GPC5: variants seen among roughly 807,000 people sequenced by gnomAD.
GPC5 encodes glypican 5.
A neutral mutation model predicts 53.9 loss-of-function variants in GPC5; 47 were observed. The ratio of observed to expected loss-of-function variants is 0.87; its 90% CI spans 0.69 to 1.11. GPC5 has a LOEUF of 1.11. Among genes scored for constraint, GPC5 ranks in the 50% most tolerant of loss-of-function variants. The pLI is 0.00. For synonymous variants in GPC5, 286 were observed against 263.3 expected (o/e 1.09, Z -0.84); for missense variants, 748 against 713.1 (o/e 1.05, Z -0.56).
intron 7 of GPC5, among the ~76,000 whole-genome samples, chr13:92,358,424 G>A (rs556423155): frequency 5.1e-4 from 78 of 151,802 alleles, no homozygotes; most frequent in Non-Finnish European, 1.0e-3. Context: ...CTATTCTTGG[G>A]TTTGGAGGAC....
intron 5 of GPC5, among the ~76,000 whole-genome samples, chr13:91,832,208 G>A (rs966808328): frequency 4.0e-5 from 6 of 151,376 alleles, no homozygotes; most frequent in African/African-American, 1.5e-4. Context: ...CTTTACCAAT[G>A]CAACTTCAAT....
intron 7 of GPC5, among the ~76,000 whole-genome samples, chr13:92,531,194 T>C (rs964442740): frequency 2.0e-5 from 3 of 152,148 alleles, no homozygotes; most frequent in African/African-American, 4.8e-5. Context: ...TAAGTTAATG[T>C]GAGCCATCCA....
intron 7 of GPC5, among the ~76,000 whole-genome samples, chr13:92,663,757 T>C (rs2139190985): frequency 7.1e-6 from 1 of 141,070 alleles, no homozygotes; most frequent in South Asian, 2.2e-4. Context: ...CTCTACTAAA[T>C]ATATATATAC....
chr13:91,904,593 A>G (rs2138991879), intron 5 of GPC5, among the ~76,000 whole-genome samples: 1 of 152,020 alleles, frequency 6.6e-6, no homozygotes, highest in Non-Finnish European at 1.5e-5. Flanking sequence ...CAGATCCCAG[A>G]TTCTCCAGCT....
chr13:92,396,178 C>T (rs562623508), intron 7 of GPC5, among the ~76,000 whole-genome samples: 1,727 of 152,168 alleles, frequency 0.011, 33 homozygotes, highest in African/African-American at 0.039. Flanking sequence ...ATTAACTTAT[C>T]TGTTTGCATT....
chr13:91,737,395 T>C (rs1250570576), intron 4 of GPC5, among the ~76,000 whole-genome samples: 1 of 151,366 alleles, frequency 6.6e-6, no homozygotes, highest in Non-Finnish European at 1.5e-5. Flanking sequence ...CCCAAGAGAA[T>C]ACCTCTAGCA....
intron 7 of GPC5, among the ~76,000 whole-genome samples, chr13:92,329,182 A>T (rs1008364729): frequency 6.6e-6 from 1 of 152,136 alleles, no homozygotes; most frequent in African/African-American, 2.4e-5. Flanking sequence ...GAGGCTGGGT[A>T]ATTGATAAAT....
chr13:92,395,922 G>A (rs993820643), intron 7 of GPC5, among the ~76,000 whole-genome samples: 1 of 119,060 alleles, frequency 8.4e-6, no homozygotes, highest in Non-Finnish European at 1.8e-5. Flanking sequence ...TTTTTTTTTT[G>A]TATTTTTCTT....
chr13:92,813,692 G>A (rs897724510), intron 7 of GPC5, among the ~76,000 whole-genome samples: 1 of 151,966 alleles, frequency 6.6e-6, no homozygotes, highest in African/African-American at 2.4e-5. Flanking sequence ...TACCAAAAAT[G>A]TACAATTCTT....
At chr13:92,632,455 A>C (rs1209911468) in intron 7 of GPC5, among the ~76,000 whole-genome samples, 1 of 94,536 alleles carries the variant, frequency 1.1e-5, no homozygotes, top group Non-Finnish European at 2.2e-5. Flanking sequence ...GGAGGAGAAA[A>C]TATTCCACAT....
intron 7 of GPC5, among the ~76,000 whole-genome samples, chr13:92,469,594 C>T (rs1011335220): frequency 2.6e-5 from 4 of 152,028 alleles, no homozygotes; most frequent in Non-Finnish European, 5.9e-5. Flanking sequence ...TGGAGTATGA[C>T]ATTTTAACTC....
intron 5 of GPC5, among the ~76,000 whole-genome samples, chr13:91,883,166 C>G (rs2039285780): frequency 6.6e-6 from 1 of 152,130 alleles, no homozygotes; most frequent in Non-Finnish European, 1.5e-5. Flanking sequence ...GTGGGGTTGT[C>G]TGGAAGGCAA....
intron 5 of GPC5, among the ~76,000 whole-genome samples, chr13:91,895,203 G>C (rs1180965845): frequency 6.6e-6 from 1 of 152,108 alleles, no homozygotes; most frequent in Non-Finnish European, 1.5e-5. Context: ...AATTCCTTCT[G>C]GAAGTGATCT....
rs2041693042 is a variant in GPC5 at position 92,125,950 on chromosome 13, T to G, written c.1402-18880T>G. ...TTTTTTTTTTTTTTTTTTTTTTTTTTTTTTTTTTTTTTTTTTTTTTTTTGA... is the reference window on the plus strand; with the variant it reads ...TTTTTTTTTTTTTTTTTTTTTTTTTGTTTTTTTTTTTTTTTTTTTTTTTGA... On this transcript the variant is annotated intron_variant, in intron 6 of 7. Coordinates refer to ENST00000377067, the MANE Select transcript of GPC5 (RefSeq NM_004466.6). Among the ~76,000 whole-genome samples, 14 of 107,708 alleles carry G rather than the reference T, an allele frequency of 1.3e-4. 1 individual carries two copies. The highest frequency in any genetic ancestry group is 7.0e-4 in the Admixed American group (7 of 10,040). 70.7% of individuals were successfully genotyped at this position (107,708 alleles called of 152,430 possible). A position where few individuals can be genotyped will look rare whatever the true frequency, so the allele number is the denominator to read the frequency against.
intron 6 of GPC5, among the ~76,000 whole-genome samples, chr13:91,965,510 C>T (rs1331724470): frequency 2.6e-5 from 4 of 152,166 alleles, no homozygotes; most frequent in African/African-American, 4.8e-5. Context: ...ATGAGGAGTT[C>T]AGAGCCTCCC....
chr13:92,450,485 C>T (rs1878017539), intron 7 of GPC5, among the ~76,000 whole-genome samples: 1 of 152,098 alleles, frequency 6.6e-6, no homozygotes, highest in Admixed American at 6.5e-5. Flanking sequence ...CTTGTGGCAT[C>T]ATGTTGGTGC....
At chr13:91,802,339 G>C (rs1214504243) in intron 5 of GPC5, among the ~76,000 whole-genome samples, 1 of 151,912 alleles carries the variant, frequency 6.6e-6, no homozygotes, top group Non-Finnish European at 1.5e-5. Context: ...CATCAGAGTT[G>C]TTTGTTCCTC....
chr13:92,025,378 A>C (rs1594730404), intron 6 of GPC5, among the ~76,000 whole-genome samples: 1 of 152,152 alleles, frequency 6.6e-6, no homozygotes, highest in Non-Finnish European at 1.5e-5. Flanking sequence ...GAAAGACTAA[A>C]AATTTCAGAA....
At chr13:91,719,424 A>G (rs1242111596) in intron 3 of GPC5, among the ~76,000 whole-genome samples, 1 of 152,224 alleles carries the variant, frequency 6.6e-6, no homozygotes, top group African/African-American at 2.4e-5. Context: ...ATCCAAGATC[A>G]TTATTCCAAC....
Sources: allele counts gnomAD v4.1 joint callset (sites outside exome capture counted in the v4.1 genomes callset), GRCh38; gene constraint gnomAD v4.1.1; transcripts MANE v1.5; gene names NCBI Gene and HGNC (gene_info 2026-07-23, HGNC 2026-07-21).